Variants in CORO2B observed in about 807,000 individuals in gnomAD.
CORO2B encodes coronin-2B.
A neutral mutation model predicts 58.8 loss-of-function variants in CORO2B; 26 were observed. The observed-to-expected ratio is 0.44, with a 90% CI of 0.32 to 0.61. The LOEUF (loss-of-function observed/expected upper bound fraction) is 0.61, where lower values mean the gene tolerates loss of function less well. CORO2B is among the 20% of genes least tolerant of loss of function. The pLI, the probability that CORO2B is intolerant of heterozygous loss-of-function variation, is 0.04. For synonymous variants in CORO2B, 242 were observed against 253.8 expected (o/e 0.95, Z 0.44); for missense variants, 460 against 645.1 (o/e 0.71, Z 3.11).
intron 3 of CORO2B, among the ~76,000 whole-genome samples, chr15:68,701,371 G>A (rs1596025165): frequency 1.3e-5 from 2 of 151,908 alleles, no homozygotes; most frequent in African/African-American, 4.8e-5. Context: ...GAGTGCAGTG[G>A]CGCGATCTCC....
At chr15:68,650,425 A>G (rs1025691674) in intron 2 of CORO2B, among the ~76,000 whole-genome samples, 3 of 150,110 alleles carry the variant, frequency 2.0e-5, no homozygotes, top group Admixed American at 6.6e-5. Context: ...TTCCTGGCCA[A>G]CATGGTGAAA....
chr15:68,712,914 G>A (rs1237799490), intron 5 of CORO2B, among the ~76,000 whole-genome samples: 1 of 152,178 alleles, frequency 6.6e-6, no homozygotes, highest in Non-Finnish European at 1.5e-5. Flanking sequence ...ATTCCCAAAT[G>A]GGGCCATGAG....
At chr15:68,698,507 A>G (rs1391393695) in intron 3 of CORO2B, among the ~76,000 whole-genome samples, 1 of 152,212 alleles carries the variant, frequency 6.6e-6, no homozygotes, top group Non-Finnish European at 1.5e-5. Context: ...TGTCCAAGAA[A>G]AACATAAGGC....
intron 1 of CORO2B, among the ~76,000 whole-genome samples, chr15:68,627,736 A>G (rs1595976715): frequency 6.6e-6 from 1 of 152,074 alleles, no homozygotes; most frequent in African/African-American, 2.4e-5. Context: ...TTATTTGCTG[A>G]GCTGAATCTT....
chr15:68,531,908 T>G, the CORO2B span, among the ~76,000 whole-genome samples: 6 of 152,020 alleles, frequency 3.9e-5, no homozygotes, highest in African/African-American at 1.4e-4. Context: ...TTTGTCTTTG[T>G]TTTTGAAGGA....
At chr15:68,687,462 T>C (rs1903021787) in intron 2 of CORO2B, among the ~76,000 whole-genome samples, 1 of 152,050 alleles carries the variant, frequency 6.6e-6, no homozygotes, top group Admixed American at 6.6e-5. Context: ...GGGTTGAGAG[T>C]ACCCACTGCT....
At chr15:68,716,012 T>G (rs1259033416) in intron 8 of CORO2B, among the ~76,000 whole-genome samples, 1 of 152,220 alleles carries the variant, frequency 6.6e-6, no homozygotes, top group Non-Finnish European at 1.5e-5. Context: ...TGAGTCTAGC[T>G]TGCTTTCCCT....
At chr15:68,687,797 GAGAT>G (rs1392341111) in intron 2 of CORO2B, among the ~76,000 whole-genome samples, 1 of 152,222 alleles carries the variant, frequency 6.6e-6, no homozygotes, top group Non-Finnish European at 1.5e-5. Context: ...GAGGGCAAGA[GAGAT>G]AGAGCAAGAG....
chr15:68,556,805 C>T, the CORO2B span, among the ~76,000 whole-genome samples: 1 of 152,192 alleles, frequency 6.6e-6, no homozygotes, highest in Non-Finnish European at 1.5e-5. Flanking sequence ...GCCCACGTGA[C>T]CTTGTCATGG....
chr15:68,649,047 C>A (rs543161041), intron 2 of CORO2B, among the ~76,000 whole-genome samples: 1 of 152,128 alleles, frequency 6.6e-6, no homozygotes, highest in African/African-American at 2.4e-5. Flanking sequence ...ATTGCTTAAA[C>A]GTTTCTAAAC....
chr15:68,552,751 A>G, the CORO2B span, among the ~76,000 whole-genome samples: 3 of 152,108 alleles, frequency 2.0e-5, no homozygotes, highest in African/African-American at 7.2e-5. Flanking sequence ...ACCCCAAAGC[A>G]TCAGCCCCTC....
At chr15:68,638,332 G>A (rs767795244) in intron 1 of CORO2B, among the ~76,000 whole-genome samples, 4 of 152,176 alleles carry the variant, frequency 2.6e-5, no homozygotes, top group Non-Finnish European at 4.4e-5. Flanking sequence ...TGTTGAGCAA[G>A]CACCCATCCT....
At chr15:68,556,201 G>C in the CORO2B span, among the ~76,000 whole-genome samples, 1 of 152,248 alleles carries the variant, frequency 6.6e-6, no homozygotes, top group Non-Finnish European at 1.5e-5. Flanking sequence ...CAGGATGACA[G>C]GGATGCGTGG....
At chr15:68,661,556 A>C (rs1278406872) in intron 2 of CORO2B, among the ~76,000 whole-genome samples, 2 of 152,200 alleles carry the variant, frequency 1.3e-5, no homozygotes, top group African/African-American at 4.8e-5. Flanking sequence ...TTTACAGATA[A>C]GGGTAGTCCT....
the CORO2B span, among the ~76,000 whole-genome samples, chr15:68,530,739 T>G: frequency 5.3e-5 from 8 of 152,226 alleles, no homozygotes; most frequent in African/African-American, 1.9e-4. Flanking sequence ...TATTCTTTTT[T>G]CTAAACACTA....
At chr15:68,680,257 G>T (rs945742477) in intron 2 of CORO2B, among the ~76,000 whole-genome samples, 87 of 152,302 alleles carry the variant, frequency 5.7e-4, no homozygotes, top group Admixed American at 5.0e-3. Context: ...CATTGTGTTT[G>T]AGACCAGAGG....
chr15:68,703,443 G>A (rs1050535833), intron 3 of CORO2B, among the ~76,000 whole-genome samples: 3 of 151,998 alleles, frequency 2.0e-5, no homozygotes, highest in African/African-American at 4.8e-5. Context: ...GAGCCACCTC[G>A]CCCAGCCCAG....
In CORO2B at chr15:68,710,947, C is replaced by T. The variant is rs200563183; in HGVS notation, c.483+66C>T. 2.4e-5 allele frequency: 35 copies of T among 1,484,422 alleles called. No homozygotes were observed. In the East Asian group the frequency reaches 3.1e-4, roughly 13 times the overall value. The allele number at this position is 1,484,422 out of a possible 1,614,324, so 92.0% of individuals were successfully genotyped here. On this transcript the variant is annotated intron_variant, in intron 4 of 11. Coordinates refer to ENST00000261861, the MANE Select transcript of CORO2B (RefSeq NM_006091.5). The surrounding 1 kb of genome is among the most constrained non-coding windows in gnomAD (Gnocchi z 4.1). ...AAGAGAAAGGGGCCTTTTGGGTACC[C>T]GTAGGAAGCACTGTTGCTTCCTAAG...
chr15:68,547,478 C>T, the CORO2B span, among the ~76,000 whole-genome samples: 1 of 152,086 alleles, frequency 6.6e-6, no homozygotes, highest in East Asian at 1.9e-4. Context: ...TTTGCCAGCA[C>T]TACTCATTAT....
Sources: allele counts gnomAD v4.1 joint callset (sites outside exome capture counted in the v4.1 genomes callset), GRCh38; gene constraint gnomAD v4.1.1; non-coding constraint Gnocchi (gnomAD v3.1); transcripts MANE v1.5; gene names NCBI Gene and HGNC (gene_info 2026-07-23, HGNC 2026-07-21).